Variants in VAV3 observed in about 807,000 individuals in gnomAD.
VAV3 encodes guanine nucleotide exchange factor VAV3.
Under a neutral mutation model 131.2 loss-of-function variants are expected in VAV3, and 94 were observed. The observed-to-expected ratio is 0.72, with a 90% confidence interval of 0.61 to 0.85. VAV3 has a LOEUF of 0.85. VAV3 is among the 40% of genes least tolerant of loss of function. VAV3 has a pLI of 0.00. For synonymous variants in VAV3, 349 were observed against 342.0 expected (o/e 1.02, Z -0.22); for missense variants, 939 against 1,002.7 (o/e 0.94, Z 0.86).
intron 1 of VAV3, among the ~76,000 whole-genome samples, chr1:107,898,879 T>G (rs919064319): frequency 7.2e-5 from 11 of 152,152 alleles, no homozygotes; most frequent in African/African-American, 2.7e-4. Context: ...AATGGGAAGG[T>G]TCTTCATTCT....
chr1:107,892,219 T>C (rs1429101806), intron 1 of VAV3, among the ~76,000 whole-genome samples: 1 of 152,210 alleles, frequency 6.6e-6, no homozygotes, highest in Non-Finnish European at 1.5e-5. Context: ...TTTTATAATA[T>C]GGGGAAAATT....
chr1:107,965,022 G>T lies in VAV3; in HGVS notation c.-153C>A. The T allele has an allele frequency of 2.1e-6, 1 of 486,986 alleles. No individual in the cohort carries two copies. The highest frequency in any genetic ancestry group is 9.2e-5 in the South Asian group (1 of 10,884). The allele number at this position is 486,986 out of a possible 1,614,324, so 30.2% of individuals were successfully genotyped here. On this transcript the variant is annotated 5_prime_UTR_variant, in exon 1 of 27. Coordinates refer to ENST00000370056, the MANE Select transcript of VAV3 (RefSeq NM_006113.5). ...GAGGGAGCAGGAGCCGCGGCTGACG[G>T]GTCGCGGGCGCCGCGCTAGGCTCGG...
Position 107,572,613 on chromosome 1 carries a change from A to G in VAV3, c.*718T>C, listed in dbSNP as rs1269790261. Reference sequence around the variant, plus strand: ...ATCATGAAGGTTGTGAAGGTTTAATATGAAGACACCCTCTCTTTTGTGTGC... The same window carrying G: ...ATCATGAAGGTTGTGAAGGTTTAATGTGAAGACACCCTCTCTTTTGTGTGC... On this transcript the variant is annotated 3_prime_UTR_variant, in exon 27 of 27. Coordinates refer to ENST00000370056, the MANE Select transcript of VAV3 (RefSeq NM_006113.5). 6.5e-6 allele frequency: 1 copy of G among 152,674 alleles called. No homozygotes were observed. 9.5% of individuals were successfully genotyped at this position (152,674 alleles called of 1,614,324 possible).
At chr1:107,575,829 CT>C (rs1353231855) in intron 25 of VAV3, among the ~76,000 whole-genome samples, 2 of 152,058 alleles carry the variant, frequency 1.3e-5, no homozygotes, top group African/African-American at 4.8e-5. Context: ...AGAAAACAGA[CT>C]TTATCTAATG....
chr1:107,686,485 C>CA (rs1286046504), intron 18 of VAV3, among the ~76,000 whole-genome samples: 6 of 152,142 alleles, frequency 3.9e-5, no homozygotes, highest in Admixed American at 3.9e-4. Flanking sequence ...TCCTGAGCAG[C>CA]ATACAATCAT....
intron 19 of VAV3, among the ~76,000 whole-genome samples, chr1:107,655,972 G>A (rs1656520572): frequency 6.6e-6 from 1 of 152,108 alleles, no homozygotes; most frequent in Non-Finnish European, 1.5e-5. Flanking sequence ...AGGGTGTGGA[G>A]AAAGGGGAAC....
intron 15 of VAV3, among the ~76,000 whole-genome samples, chr1:107,728,148 T>G (rs1263992045): frequency 6.6e-6 from 1 of 152,146 alleles, no homozygotes; most frequent in African/African-American, 2.4e-5. Flanking sequence ...TGGAGGTTGG[T>G]TGAGTCTTCC....
chr1:107,822,447 G>A (rs1345435938), intron 2 of VAV3, among the ~76,000 whole-genome samples: 2 of 152,066 alleles, frequency 1.3e-5, no homozygotes, highest in Admixed American at 1.3e-4. Context: ...GAGGTCAGGA[G>A]ATCGAGACCA....
At chr1:107,808,970 G>A (rs1156655928) in intron 2 of VAV3, among the ~76,000 whole-genome samples, 34 of 152,110 alleles carry the variant, frequency 2.2e-4, no homozygotes, top group Admixed American at 2.2e-3. Context: ...AATGCCAATC[G>A]ATGAAGGCAT....
chr1:107,737,400 C>T (rs1476110716), intron 15 of VAV3, among the ~76,000 whole-genome samples: 2 of 152,234 alleles, frequency 1.3e-5, no homozygotes, highest in African/African-American at 2.4e-5. Flanking sequence ...AAAGAAACTG[C>T]CATCAGAGTG....
chr1:107,887,287 G>A (rs887177832), intron 1 of VAV3, among the ~76,000 whole-genome samples: 11 of 152,272 alleles, frequency 7.2e-5, no homozygotes, highest in African/African-American at 1.7e-4. Flanking sequence ...CTTCAATCAC[G>A]GATTGAATTT....
intron 19 of VAV3, among the ~76,000 whole-genome samples, chr1:107,644,993 T>C (rs979438658): frequency 2.0e-5 from 3 of 151,738 alleles, no homozygotes; most frequent in Non-Finnish European, 2.9e-5. Context: ...GGTCAAGTAA[T>C]AGGACTTAGC....
At chr1:107,772,458 C>T (rs1014672343) in intron 5 of VAV3, among the ~76,000 whole-genome samples, 1 of 152,118 alleles carries the variant, frequency 6.6e-6, no homozygotes, top group Non-Finnish European at 1.5e-5. Context: ...TCTACTACCA[C>T]CCTGCCATTA....
intron 1 of VAV3, among the ~76,000 whole-genome samples, chr1:107,932,822 G>A (rs1220854337): frequency 1.3e-5 from 2 of 152,290 alleles, no homozygotes; most frequent in East Asian, 3.9e-4. Context: ...GAATCCAGGT[G>A]GCCTCTGGAA....
chr1:107,647,929 A>C (rs4915062), intron 19 of VAV3, among the ~76,000 whole-genome samples: 55,741 of 151,860 alleles, frequency 0.37, 11,324 homozygotes, highest in East Asian at 0.61. Context: ...GATTCCCCTG[A>C]CATCACAGCT....
At chr1:107,625,552 CCA>C (rs1267539862) in intron 20 of VAV3, among the ~76,000 whole-genome samples, 1 of 152,154 alleles carries the variant, frequency 6.6e-6, no homozygotes, top group Non-Finnish European at 1.5e-5. Flanking sequence ...CAGGCATGAG[CCA>C]CTGTGCCAGG....
intron 25 of VAV3, among the ~76,000 whole-genome samples, chr1:107,581,198 C>T (rs1247669083): frequency 3.3e-5 from 5 of 152,192 alleles, no homozygotes; most frequent in Non-Finnish European, 7.3e-5. Context: ...CTGGATGCTT[C>T]GTTTAACGGC....
At chr1:107,763,799 C>T (rs1557830441) in intron 9 of VAV3, among the ~76,000 whole-genome samples, 1 of 152,086 alleles carries the variant, frequency 6.6e-6, no homozygotes, top group Non-Finnish European at 1.5e-5. Flanking sequence ...GAGTTGTGAG[C>T]TATGAAATCA....
At chr1:107,651,734 T>C (rs1006987782) in intron 19 of VAV3, among the ~76,000 whole-genome samples, 6 of 152,076 alleles carry the variant, frequency 3.9e-5, no homozygotes, top group African/African-American at 1.4e-4. Flanking sequence ...CCTCATTCAA[T>C]CTTATAATGT....
Sources: allele counts gnomAD v4.1 joint callset (sites outside exome capture counted in the v4.1 genomes callset), GRCh38; gene constraint gnomAD v4.1.1; transcripts MANE v1.5; gene names NCBI Gene and HGNC (gene_info 2026-07-23, HGNC 2026-07-21).